Variants in SAMD12 observed in about 807,000 individuals in gnomAD.
SAMD12 encodes sterile alpha motif domain containing 12.
In SAMD12, 9 loss-of-function variants were observed where a neutral mutation model predicts 15.0. The observed-to-expected ratio is 0.60, with a 90% CI of 0.36 to 1.05. The LOEUF (loss-of-function observed/expected upper bound fraction) is 1.05. SAMD12 is among the 50% of genes least tolerant of loss of function. The pLI is 0.01. For synonymous variants in SAMD12, 86 were observed against 90.1 expected (o/e 0.96, Z 0.25); for missense variants, 230 against 234.2 (o/e 0.98, Z 0.12).
chr8:118,341,306 G>A lies in SAMD12; in HGVS notation c.433+38254C>T, dbSNP rs554648602. Among the ~76,000 whole-genome samples the A allele has an allele frequency of 9.7e-4, 148 of 152,220 alleles. 1 individual carries two copies. Among genetic ancestry groups the A allele is most frequent in the African/African-American group, 3.5e-3 (145 of 41,544 alleles). On this transcript the variant is annotated intron_variant, in intron 4 of 4. Coordinates refer to the SAMD12 transcript ENST00000409003. ...TATGCCTAGCTTAGCCTCACCTCTC[G>A]TATTTCACTGATAAGAGCAGTCACT...
chr8:118,411,971 T>C (rs922880554), intron 3 of SAMD12, among the ~76,000 whole-genome samples: 1 of 152,224 alleles, frequency 6.6e-6, no homozygotes, highest in African/African-American at 2.4e-5. Context: ...AAGGATTTTA[T>C]ATATTTTTAA....
At chr8:118,290,154 G>A (rs943636251) in intron 4 of SAMD12, among the ~76,000 whole-genome samples, 11 of 152,108 alleles carry the variant, frequency 7.2e-5, no homozygotes, top group African/African-American at 2.2e-4. Context: ...AATAAAAAAT[G>A]CCCTATTTGA....
chr8:118,473,106 A>G (rs966407150), intron 2 of SAMD12, among the ~76,000 whole-genome samples: 1 of 152,132 alleles, frequency 6.6e-6, no homozygotes, highest in Non-Finnish European at 1.5e-5. Flanking sequence ...AGGCCAAGGT[A>G]TGTCGCTCCC....
chr8:118,133,720 T>C, the SAMD12 span, among the ~76,000 whole-genome samples: 1 of 152,058 alleles, frequency 6.6e-6, no homozygotes, highest in African/African-American at 2.4e-5. Context: ...TTTTTTTTTC[T>C]ATTGAAGTCT....
chr8:118,469,540 T>TA lies in SAMD12; in HGVS notation c.193-29580_193-29579insT, dbSNP rs1405155735. 1.0e-3 allele frequency among the ~76,000 whole-genome samples: 2 copies of TA among 1,978 alleles called. 1 individual carries two copies. The highest frequency in any genetic ancestry group is 0.028 in the Admixed American group (2 of 72). 1.3% of individuals were successfully genotyped at this position (1,978 alleles called of 152,430 possible). ...TAATATATATAATATATTATATATATTATATTATTATATATAATATATTAT... is the reference window on the plus strand; with the variant it reads ...TAATATATATAATATATTATATATATATATATTATTATATATAATATATTAT... On this transcript the variant is annotated intron_variant, in intron 2 of 3. Transcript: ENST00000314727.
chr8:118,198,785 T>C (rs1819633942), intron 4 of SAMD12, among the ~76,000 whole-genome samples: 1 of 152,214 alleles, frequency 6.6e-6, no homozygotes, highest in Non-Finnish European at 1.5e-5. Flanking sequence ...TTATTGTTGA[T>C]GGCATTGTCA....
chr8:118,337,738 T>C (rs557560045), intron 4 of SAMD12, among the ~76,000 whole-genome samples: 3 of 152,242 alleles, frequency 2.0e-5, no homozygotes, highest in Admixed American at 2.0e-4. Flanking sequence ...TTAAAGTAAC[T>C]CTTATTTTAC....
intron 4 of SAMD12, among the ~76,000 whole-genome samples, chr8:118,354,622 T>A (rs1230016031): frequency 6.6e-6 from 1 of 152,226 alleles, no homozygotes; most frequent in Non-Finnish European, 1.5e-5. Flanking sequence ...CAGTTCCTAG[T>A]CACACTGACC....
At chr8:118,210,616 C>G (rs1354959425) in intron 4 of SAMD12, among the ~76,000 whole-genome samples, 6 of 152,124 alleles carry the variant, frequency 3.9e-5, no homozygotes, top group Non-Finnish European at 7.3e-5. Context: ...ACAACTTGAC[C>G]TAATATTCCA....
intron 2 of SAMD12, among the ~76,000 whole-genome samples, chr8:118,443,127 T>C (rs4876837): frequency 0.46 from 70,309 of 152,072 alleles, 18,150 homozygotes; most frequent in South Asian, 0.6. Context: ...ACTAGGCATA[T>C]ACTAGTAAGA....
chr8:118,554,087 A>T (rs1231390422), intron 2 of SAMD12, among the ~76,000 whole-genome samples: 1 of 151,580 alleles, frequency 6.6e-6, no homozygotes, highest in Non-Finnish European at 1.5e-5. Flanking sequence ...TGTTGGTGGG[A>T]CTGTAAACTA....
chr8:118,401,774 T>G (rs1179277191), intron 3 of SAMD12, among the ~76,000 whole-genome samples: 1 of 152,158 alleles, frequency 6.6e-6, no homozygotes, highest in East Asian at 1.9e-4. Flanking sequence ...TGGGATGCAT[T>G]GCTGGGATTG....
At chr8:118,363,737 T>C (rs1047693881) in intron 4 of SAMD12, among the ~76,000 whole-genome samples, 4 of 152,238 alleles carry the variant, frequency 2.6e-5, no homozygotes, top group Non-Finnish European at 4.4e-5. Flanking sequence ...ACATTCTTAT[T>C]GGCTCTCCAG....
intron 1 of SAMD12, among the ~76,000 whole-genome samples, chr8:118,604,856 A>G (rs1827948125): frequency 6.6e-6 from 1 of 152,156 alleles, no homozygotes; most frequent in Non-Finnish European, 1.5e-5. Context: ...CGGGGGACGG[A>G]GCTTGCAGTG....
chr8:118,214,972 C>T (rs1403106460), intron 4 of SAMD12, among the ~76,000 whole-genome samples: 2 of 152,212 alleles, frequency 1.3e-5, no homozygotes, highest in African/African-American at 2.4e-5. Context: ...TAAGCTGCTA[C>T]TGCAGTTGTT....
intron 2 of SAMD12, among the ~76,000 whole-genome samples, chr8:118,498,154 C>T (rs117447151): frequency 0.014 from 2,072 of 152,198 alleles, 41 homozygotes; most frequent in Non-Finnish European, 0.016. Context: ...CTTCTGATTC[C>T]AGCTGAGACA....
At chr8:118,525,860 T>C (rs1191678560) in intron 2 of SAMD12, among the ~76,000 whole-genome samples, 1 of 152,246 alleles carries the variant, frequency 6.6e-6, no homozygotes, top group Non-Finnish European at 1.5e-5. Flanking sequence ...ACACTGTACA[T>C]GCATCTGCTA....
At chr8:118,368,977 T>C (rs1332576926) in intron 4 of SAMD12, among the ~76,000 whole-genome samples, 1 of 152,164 alleles carries the variant, frequency 6.6e-6, no homozygotes, top group Non-Finnish European at 1.5e-5. Context: ...ATCCCACCTA[T>C]TCCCAAGTGA....
At chr8:118,286,564 G>A (rs1167348625) in intron 4 of SAMD12, among the ~76,000 whole-genome samples, 5 of 149,118 alleles carry the variant, frequency 3.4e-5, no homozygotes, top group Admixed American at 6.7e-5. Context: ...CATTTTCTTC[G>A]TTACCCCTGT....
Sources: allele counts gnomAD v4.1 joint callset (sites outside exome capture counted in the v4.1 genomes callset), GRCh38; gene constraint gnomAD v4.1.1; transcripts MANE v1.5; gene names NCBI Gene and HGNC (gene_info 2026-07-23, HGNC 2026-07-21).